Variants in CHN1 observed in about 807,000 individuals in gnomAD.
CHN1 encodes chimerin 1, also known as N-chimaerin.
Under a neutral mutation model 59.5 loss-of-function variants are expected in CHN1, and 37 were observed. The observed-to-expected ratio is 0.62, with a 90% CI of 0.48 to 0.82. CHN1 has a LOEUF of 0.82. CHN1 is among the 40% of genes least tolerant of loss of function. The probability of loss-of-function intolerance (pLI) is 0.00; values close to 1 mark genes in which losing one functional copy is unlikely to be tolerated. For missense variants in CHN1, 469 were observed against 571.0 expected, an observed-to-expected ratio of 0.82 and a Z score of 1.82; for synonymous variants, 206 against 200.4, an observed-to-expected ratio of 1.03 and a Z score of -0.24.
chr2:174,807,442 C>CTGTG (rs1160787258), intron 11 of CHN1, among the ~76,000 whole-genome samples: 4 of 114,196 alleles, frequency 3.5e-5, no homozygotes, highest in East Asian at 3.0e-4. Flanking sequence ...TTTTCACGGG[C>CTGTG]TATCTGTGTG....
chr2:174,946,020 T>C (rs1039788873), intron 2 of CHN1, among the ~76,000 whole-genome samples: 14 of 151,970 alleles, frequency 9.2e-5, no homozygotes, highest in African/African-American at 3.4e-4. Flanking sequence ...TAACTGTGAG[T>C]ACTTCTATGC....
intron 8 of CHN1, among the ~76,000 whole-genome samples, chr2:174,823,430 G>A (rs1317171825): frequency 1.3e-5 from 2 of 152,176 alleles, no homozygotes; most frequent in Non-Finnish European, 2.9e-5. Context: ...TTGGGAGGCT[G>A]AGGCGGGTGG....
At chr2:174,850,297 C>T (rs1386216761) in intron 6 of CHN1, among the ~76,000 whole-genome samples, 1 of 151,796 alleles carries the variant, frequency 6.6e-6, no homozygotes, top group Non-Finnish European at 1.5e-5. Flanking sequence ...TAGCAGCTTA[C>T]ACAAAAAAAG....
intron 1 of CHN1, among the ~76,000 whole-genome samples, chr2:174,967,368 A>C (rs147196796): frequency 0.013 from 1,926 of 152,242 alleles, 32 homozygotes; most frequent in African/African-American, 0.044. Flanking sequence ...AAATTAAATT[A>C]AATTAAATTA....
At chr2:174,991,163 A>C (rs952872601) in intron 1 of CHN1, among the ~76,000 whole-genome samples, 3 of 152,168 alleles carry the variant, frequency 2.0e-5, no homozygotes, top group African/African-American at 4.8e-5. Context: ...TAAGTGGAGG[A>C]CTAATATGTA....
At chr2:174,953,595 A>C (rs1340365405) in intron 1 of CHN1, among the ~76,000 whole-genome samples, 1 of 152,220 alleles carries the variant, frequency 6.6e-6, no homozygotes, top group Non-Finnish European at 1.5e-5. Flanking sequence ...GTTAATGTAC[A>C]CAAATCAGTA....
intron 1 of CHN1, among the ~76,000 whole-genome samples, chr2:174,991,242 T>G (rs1384038449): frequency 6.6e-6 from 1 of 152,166 alleles, no homozygotes; most frequent in Non-Finnish European, 1.5e-5. Flanking sequence ...AGGCTTCCCT[T>G]CACCAATTCC....
intron 11 of CHN1, among the ~76,000 whole-genome samples, chr2:174,807,776 C>T (rs1256830436): frequency 6.6e-6 from 1 of 152,052 alleles, no homozygotes; most frequent in Non-Finnish European, 1.5e-5. Context: ...TACAAAAGCC[C>T]TGAGAGGGAA....
intron 6 of CHN1, among the ~76,000 whole-genome samples, chr2:174,869,385 T>C (rs909194774): frequency 1.3e-5 from 2 of 152,118 alleles, no homozygotes; most frequent in Admixed American, 6.6e-5. Context: ...GATATGCTTA[T>C]AATAAATAAA....
At chr2:174,941,897 G>T (rs1450010453) in intron 3 of CHN1, among the ~76,000 whole-genome samples, 1 of 152,020 alleles carries the variant, frequency 6.6e-6, no homozygotes, top group Non-Finnish European at 1.5e-5. Context: ...AGTTACTTAA[G>T]CCAAGAAGTA....
intron 8 of CHN1, among the ~76,000 whole-genome samples, chr2:174,823,193 A>G (rs1239106080): frequency 5.9e-5 from 9 of 152,244 alleles, no homozygotes; most frequent in Non-Finnish European, 2.9e-5. Flanking sequence ...GACAGTTACT[A>G]TAGTTACCAT....
At chr2:174,806,993 C>T (rs1684904992) in intron 11 of CHN1, among the ~76,000 whole-genome samples, 1 of 152,048 alleles carries the variant, frequency 6.6e-6, no homozygotes, top group Admixed American at 6.6e-5. Context: ...GAAATTTCTA[C>T]CTTGATTTCC....
chr2:174,906,480 T>C (rs1688547637), intron 5 of CHN1, among the ~76,000 whole-genome samples: 1 of 152,184 alleles, frequency 6.6e-6, no homozygotes, highest in African/African-American at 2.4e-5. Context: ...CAAATAGATG[T>C]AGAGGTTCTT....
At chr2:174,928,315 G>A (rs1175513553) in intron 3 of CHN1, among the ~76,000 whole-genome samples, 1 of 152,082 alleles carries the variant, frequency 6.6e-6, no homozygotes. Context: ...AACTTTACAA[G>A]TTTCTTATAA....
intron 3 of CHN1, among the ~76,000 whole-genome samples, chr2:174,935,953 A>T (rs190886941): frequency 6.6e-6 from 1 of 152,224 alleles, no homozygotes; most frequent in Non-Finnish European, 1.5e-5. Context: ...ATTAAAAGTA[A>T]ATAAAAATAA....
At chr2:174,810,854 G>C (rs1202450120) in intron 10 of CHN1, 1 of 152,214 alleles carries the variant, frequency 6.6e-6, no homozygotes, top group Non-Finnish European at 1.5e-5. Flanking sequence ...TTTACTTCCT[G>C]TATTCAAGGC....
intron 5 of CHN1, among the ~76,000 whole-genome samples, chr2:174,900,805 CAA>C (rs75555732): frequency 2.4e-5 from 3 of 124,076 alleles, no homozygotes; most frequent in Admixed American, 8.1e-5. Flanking sequence ...AACTCCATCT[CAA>C]AAAAAAAAAA....
intron 1 of CHN1, among the ~76,000 whole-genome samples, chr2:175,004,131 T>C (rs1691983208): frequency 6.6e-6 from 1 of 152,236 alleles, no homozygotes; most frequent in Non-Finnish European, 1.5e-5. Context: ...GGTACGTATG[T>C]ACCATAGTCG....
At chr2:174,841,596 G>T (rs1217992549) in intron 7 of CHN1, among the ~76,000 whole-genome samples, 2 of 152,048 alleles carry the variant, frequency 1.3e-5, no homozygotes, top group African/African-American at 4.8e-5. Context: ...TTGAGAACTG[G>T]GGAAAGAGTG....
Sources: gnomAD v4.1 joint callset for allele counts (sites outside exome capture counted in the v4.1 genomes callset) on GRCh38, gnomAD v4.1.1 for gene constraint, MANE v1.5 for transcripts, NCBI Gene and HGNC (gene_info 2026-07-23, HGNC 2026-07-21) for gene names.